The following PTPN13 variants were observed in gnomAD, a reference collection of about 807,000 sequenced individuals.
The protein encoded by PTPN13 is protein tyrosine phosphatase non-receptor type 13.
PTPN13 carries 191 observed loss-of-function variants against 284.0 expected under a neutral mutation model. The ratio of observed to expected loss-of-function variants is 0.67; its 90% CI spans 0.60 to 0.76. PTPN13 has a LOEUF of 0.76. Ranked by LOEUF, PTPN13 falls within the 30% of genes least tolerant of loss-of-function variation. The pLI is 0.00. For synonymous variants in PTPN13, 986 were observed against 1,022.3 expected (o/e 0.96, Z 0.68); for missense variants, 2,797 against 2,939.9 (o/e 0.95, Z 1.12).
intron 1 of PTPN13, among the ~76,000 whole-genome samples, chr4:86,606,229 T>G (rs1024047267): frequency 6.6e-6 from 1 of 151,940 alleles, no homozygotes; most frequent in Non-Finnish European, 1.5e-5. Context: ...TTTAATTGAA[T>G]ATGCTGTGTG....
At chr4:86,681,842 T>C (rs1476609409) in intron 3 of PTPN13, among the ~76,000 whole-genome samples, 1 of 151,734 alleles carries the variant, frequency 6.6e-6, no homozygotes, top group Non-Finnish European at 1.5e-5. Flanking sequence ...GCAGGGAGAA[T>C]TGCTTGAACC....
intron 7 of PTPN13, among the ~76,000 whole-genome samples, chr4:86,711,098 C>CTTTTTTTTTTTTTTTTTTTTTT (rs58186398): frequency 3.1e-5 from 3 of 97,106 alleles, no homozygotes; most frequent in Admixed American, 1.2e-4. Context: ...TAATTATTGC[C>CTTTTTTTTTTTTTTTTTTTTTT]TTTTTTTTTT....
intron 10 of PTPN13, among the ~76,000 whole-genome samples, chr4:86,729,208 C>CA (rs1415679965): frequency 6.7e-6 from 1 of 149,480 alleles, no homozygotes; most frequent in Admixed American, 6.7e-5. Context: ...GCCGAGAGAT[C>CA]GCTGTTAGTC....
At chr4:86,617,761 C>T (rs1250715930) in intron 1 of PTPN13, among the ~76,000 whole-genome samples, 2 of 152,136 alleles carry the variant, frequency 1.3e-5, no homozygotes, top group Admixed American at 1.3e-4. Context: ...ATCCTTCACC[C>T]ACTTTTTGAT....
At chr4:86,713,201 A>G (rs1052268641) in intron 7 of PTPN13, among the ~76,000 whole-genome samples, 46 of 152,188 alleles carry the variant, frequency 3.0e-4, no homozygotes, top group African/African-American at 1.1e-3. Context: ...GTTCTTATCC[A>G]TGGCCTTATT....
At chr4:86,620,686 C>G (rs1447972398) in intron 1 of PTPN13, among the ~76,000 whole-genome samples, 1 of 152,154 alleles carries the variant, frequency 6.6e-6, no homozygotes, top group Non-Finnish European at 1.5e-5. Context: ...CAAATTCTAT[C>G]ACAAAATGTA....
Position 86,775,339 on chromosome 4 carries a change from T to C in PTPN13, c.5677T>C (p.Leu1893=), listed in dbSNP as rs772350639. 3.1e-6 allele frequency: 5 copies of C among 1,610,914 alleles called. No individual in the cohort carries two copies. Among genetic ancestry groups the C allele is most frequent in the African/African-American group, 1.3e-5 (1 of 74,794 alleles). ...DITLTCNKEE[L]GFSLCGGHDS... ...AACACTAACGTGCAACAAAGAGGAG[T>C]TGGGTAATGAAAAGTCAAACTTTGT... Residue 1893 remains leucine (L), a synonymous_variant, in exon 34 of 48, where the codon TTG becomes CTG. Coordinates refer to ENST00000411767, the MANE Select transcript of PTPN13 (RefSeq NM_080683.3).
At chr4:86,706,055 A>T (rs1049521965) in intron 7 of PTPN13, among the ~76,000 whole-genome samples, 1 of 152,178 alleles carries the variant, frequency 6.6e-6, no homozygotes, top group Non-Finnish European at 1.5e-5. Flanking sequence ...TCCCCAGCTA[A>T]CAACATCAAC....
chr4:86,673,177 G>A (rs1288539114), intron 3 of PTPN13, among the ~76,000 whole-genome samples: 1 of 152,176 alleles, frequency 6.6e-6, no homozygotes, highest in Non-Finnish European at 1.5e-5. Context: ...CATGGGACTG[G>A]TATGGGGCTG....
At chr4:86,666,204 A>G (rs1727053468) in intron 2 of PTPN13, among the ~76,000 whole-genome samples, 1 of 152,196 alleles carries the variant, frequency 6.6e-6, no homozygotes, top group Non-Finnish European at 1.5e-5. Context: ...TACATACTAA[A>G]TTACTGAAGT....
chr4:86,666,492 G>A (rs967667003), intron 2 of PTPN13, among the ~76,000 whole-genome samples: 3 of 152,230 alleles, frequency 2.0e-5, no homozygotes, highest in Non-Finnish European at 2.9e-5. Context: ...ACTAATTTTT[G>A]CAAATATTTC....
At chr4:86,647,558 T>A (rs1320283453) in intron 2 of PTPN13, among the ~76,000 whole-genome samples, 1 of 151,932 alleles carries the variant, frequency 6.6e-6, no homozygotes, top group African/African-American at 2.4e-5. Flanking sequence ...TTAAAAATTT[T>A]AAAAAACATT....
At chr4:86,735,033 A>G (rs1207759341) in intron 14 of PTPN13, among the ~76,000 whole-genome samples, 158 bp downstream of exon 14, 3 of 152,108 alleles carry the variant, frequency 2.0e-5, no homozygotes, top group Non-Finnish European at 2.9e-5. Context: ...ATGTATATCA[A>G]TTATATAAAA....
intron 2 of PTPN13, among the ~76,000 whole-genome samples, chr4:86,655,016 G>C (rs1174875168): frequency 6.6e-6 from 1 of 152,064 alleles, no homozygotes; most frequent in African/African-American, 2.4e-5. Context: ...TGTCTCTTTT[G>C]ATCTTTGTTG....
intron 23 of PTPN13, among the ~76,000 whole-genome samples, 197 bp from the exon 24 acceptor site, chr4:86,762,530 G>A (rs1212530985): frequency 6.6e-6 from 1 of 152,066 alleles, no homozygotes; most frequent in East Asian, 1.9e-4. Context: ...AGGTGAAAGG[G>A]GTATGCATTT....
At chr4:86,656,738 G>A (rs1310752558) in intron 2 of PTPN13, among the ~76,000 whole-genome samples, 1 of 152,180 alleles carries the variant, frequency 6.6e-6, no homozygotes, top group Non-Finnish European at 1.5e-5. Context: ...GAGAACCACT[G>A]CTCTCTTCAA....
intron 1 of PTPN13, among the ~76,000 whole-genome samples, chr4:86,631,898 G>T (rs1318310923): frequency 6.6e-6 from 1 of 152,050 alleles, no homozygotes; most frequent in Non-Finnish European, 1.5e-5. Flanking sequence ...AGTATCTTAA[G>T]ATTTAAAACC....
intron 1 of PTPN13, among the ~76,000 whole-genome samples, chr4:86,634,211 T>A (rs1286759175): frequency 6.6e-6 from 1 of 152,190 alleles, no homozygotes; most frequent in Non-Finnish European, 1.5e-5. Flanking sequence ...AAACTCCTTA[T>A]TTGGCTTCTT....
Position 86,677,006 on chromosome 4 carries a change from G to A in PTPN13, c.294+4463G>A, listed in dbSNP as rs184452134. 8.8e-3 allele frequency among the ~76,000 whole-genome samples: 1,339 copies of A among 152,202 alleles called. 6 individuals carry two copies. Among genetic ancestry groups the A allele is most frequent in the Non-Finnish European group, 0.013 (910 of 67,992 alleles). On this transcript the variant is annotated intron_variant, in intron 3 of 47. Transcript: ENST00000411767. ...TTAATGGCCGGGCACGGTGGCTCAC[G>A]CCTGTAATCCCAGCACTTTGGAAGG...
Sources: allele counts gnomAD v4.1 joint callset (sites outside exome capture counted in the v4.1 genomes callset), GRCh38; gene constraint gnomAD v4.1.1; transcripts MANE v1.5; gene names NCBI Gene and HGNC (gene_info 2026-07-23, HGNC 2026-07-21).